KCTD14: variants seen among roughly 807,000 people sequenced by gnomAD.
The protein encoded by KCTD14 is potassium channel tetramerization domain containing 14.
KCTD14 carries 7 observed loss-of-function variants against 5.9 expected under a neutral mutation model. That is an observed-to-expected ratio of 1.19 (90% CI 0.68 to 2.23). KCTD14 has a LOEUF of 2.23. KCTD14 is among the 30% of genes most tolerant of loss of function. The probability of loss-of-function intolerance (pLI) is 0.00; values close to 1 mark genes in which losing one functional copy is unlikely to be tolerated. For missense variants in KCTD14, 342 were observed against 332.2 expected, an observed-to-expected ratio of 1.03 and a Z score of -0.23; for synonymous variants, 140 against 133.1, an observed-to-expected ratio of 1.05 and a Z score of -0.36.
At chr11:78,037,040 C>G (rs1857823117) in intron 2 of KCTD14, among the ~76,000 whole-genome samples, 1 of 152,200 alleles carries the variant, frequency 6.6e-6, no homozygotes. Context: ...AACCATGAGC[C>G]AGGGTTCAAA....
intron 1 of KCTD14, among the ~76,000 whole-genome samples, chr11:78,020,314 T>G (rs1339482404): frequency 6.6e-6 from 1 of 152,182 alleles, no homozygotes; most frequent in Admixed American, 6.5e-5. Flanking sequence ...CATTCTCAAC[T>G]GGTCTGTGGG....
intron 2 of KCTD14, among the ~76,000 whole-genome samples, chr11:78,028,717 G>A (rs1857537577): frequency 6.6e-6 from 1 of 151,990 alleles, no homozygotes; most frequent in Non-Finnish European, 1.5e-5. Flanking sequence ...GAGATCAGCA[G>A]ATCAGTTGAG....
At chr11:78,030,828 G>A (rs1011503615) in intron 2 of KCTD14, among the ~76,000 whole-genome samples, 5 of 151,970 alleles carry the variant, frequency 3.3e-5, no homozygotes, top group South Asian at 2.1e-4. Flanking sequence ...CTGTCCACCC[G>A]CTCCCATACA....
At chr11:78,033,095 A>G (rs1354213611) in intron 2 of KCTD14, among the ~76,000 whole-genome samples, 1 of 151,786 alleles carries the variant, frequency 6.6e-6, no homozygotes, top group East Asian at 1.9e-4. Context: ...ATCCCTTCCA[A>G]CTCTATCAGT....
intron 1 of KCTD14, chr11:78,038,801 C>T: frequency 1.3e-6 from 2 of 1,533,760 alleles, no homozygotes; most frequent in African/African-American, 1.4e-5. Flanking sequence ...TCAGTGTTCA[C>T]AAAGGACGAG....
At chr11:78,038,690 C>G (rs1279253525) in exon 2 of KCTD14, 12 of 1,535,624 alleles carry the variant, frequency 7.8e-6, no homozygotes, top group Non-Finnish European at 1.0e-5. Flanking sequence ...GCAGAACTCC[C>G]CACAGCAAAC....
At chr11:78,020,154 T>C (rs1290196117) in intron 1 of KCTD14, among the ~76,000 whole-genome samples, 2 of 152,040 alleles carry the variant, frequency 1.3e-5, no homozygotes, top group East Asian at 3.8e-4. Context: ...TGGATGTGGG[T>C]TGGAGGCTGT....
upstream of KCTD14, among the ~76,000 whole-genome samples, chr11:78,025,116 G>GTATATA (rs771771645): frequency 5.3e-3 from 363 of 68,484 alleles, no homozygotes; most frequent in Non-Finnish European, 7.3e-3. Flanking sequence ...GTGTGTGTGT[G>GTATATA]TGTATATATA....
At chr11:78,040,223 G>C (rs1198152369) in intron 1 of KCTD14, among the ~76,000 whole-genome samples, 1 of 152,152 alleles carries the variant, frequency 6.6e-6, no homozygotes, top group Non-Finnish European at 1.5e-5. Context: ...ATGTCTTCCT[G>C]GAATCTGAAG....
At chr11:78,018,022 A>G (rs1356896568) in intron 1 of KCTD14, among the ~76,000 whole-genome samples, 2 of 152,084 alleles carry the variant, frequency 1.3e-5, no homozygotes, top group Admixed American at 6.6e-5. Context: ...ACCTGAACCT[A>G]GGAGGTGGAG....
At chr11:78,041,832 C>T (rs902398386) in intron 1 of KCTD14, among the ~76,000 whole-genome samples, 5 of 152,264 alleles carry the variant, frequency 3.3e-5, no homozygotes, top group Non-Finnish European at 5.9e-5. Flanking sequence ...TGTTCCTGCA[C>T]AGCTAAGTGC....
At position 78,016,200 on chromosome 11, in the gene KCTD14, T is replaced by C; in HGVS notation, c.*393A>G. On this transcript the variant is annotated 3_prime_UTR_variant, in exon 2 of 2. Transcript: ENST00000353172. ...AAGGCACATGCCAGGGACAGATGGA[T>C]TGGACCCCAAGCTGGGGCTATGTAG... 4.4e-6 allele frequency: 1 copy of C among 229,576 alleles called. No individual in the cohort carries two copies. The highest frequency in any genetic ancestry group is 8.6e-6 in the Non-Finnish European group (1 of 116,510). 14.2% of individuals were successfully genotyped at this position (229,576 alleles called of 1,614,324 possible). A position where few individuals can be genotyped will look rare whatever the true frequency, so the allele number is the denominator to read the frequency against.
chr11:78,044,825 C>T (rs1051374450), intron 1 of KCTD14, among the ~76,000 whole-genome samples: 1 of 152,048 alleles, frequency 6.6e-6, no homozygotes, highest in Non-Finnish European at 1.5e-5. Context: ...GATCCTTGTC[C>T]GGTTTGACAT....
chr11:78,018,744 G>A (rs776886566), intron 1 of KCTD14, among the ~76,000 whole-genome samples: 3 of 152,008 alleles, frequency 2.0e-5, no homozygotes, highest in Non-Finnish European at 2.9e-5. Context: ...AAATGGGGAC[G>A]TGGAGTTGTT....
chr11:78,030,493 G>T (rs1431652941), intron 2 of KCTD14, among the ~76,000 whole-genome samples: 2 of 152,174 alleles, frequency 1.3e-5, no homozygotes, highest in Non-Finnish European at 2.9e-5. Flanking sequence ...TGGTCTCTGT[G>T]ATCCTGCCTT....
intron 1 of KCTD14, among the ~76,000 whole-genome samples, chr11:78,019,570 G>C (rs1441545450): frequency 6.6e-6 from 1 of 152,172 alleles, no homozygotes; most frequent in East Asian, 1.9e-4. Context: ...TCCTGCCTGA[G>C]CCTCCCAAGC....
chr11:78,033,961 C>T (rs72943066), intron 2 of KCTD14, among the ~76,000 whole-genome samples: 5,890 of 146,022 alleles, frequency 0.04, 180 homozygotes, highest in Admixed American at 0.11. Flanking sequence ...GCATTTGCAA[C>T]GGTAATTTCT....
chr11:78,033,297 T>C (rs1857680925), intron 2 of KCTD14, among the ~76,000 whole-genome samples: 1 of 152,118 alleles, frequency 6.6e-6, no homozygotes, highest in Admixed American at 6.5e-5. Context: ...TGGGGACTGG[T>C]TAAATAAGAA....
chr11:78,019,236 G>T (rs1436859434), intron 1 of KCTD14, among the ~76,000 whole-genome samples: 1 of 151,642 alleles, frequency 6.6e-6, no homozygotes, highest in Admixed American at 6.6e-5. Context: ...CTGGTCTCGA[G>T]CTCCTGACCT....
Sources: allele counts gnomAD v4.1 joint callset (sites outside exome capture counted in the v4.1 genomes callset), GRCh38; gene constraint gnomAD v4.1.1; transcripts MANE v1.5; gene names NCBI Gene and HGNC (gene_info 2026-07-23, HGNC 2026-07-21).